Variants in FAT2 observed in about 807,000 individuals in gnomAD.
The protein encoded by FAT2 is FAT atypical cadherin 2.
A neutral mutation model predicts 295.3 loss-of-function variants in FAT2; 150 were observed. The observed-to-expected ratio is 0.51, with a 90% CI of 0.44 to 0.58. FAT2 has a LOEUF of 0.58. Among genes scored for constraint, FAT2 ranks in the 20% least tolerant of loss-of-function variants. The pLI is 0.00. For synonymous variants in FAT2, 2,026 were observed against 2,150.3 expected, an observed-to-expected ratio of 0.94 and a Z score of 1.60; for missense variants, 4,868 against 5,442.7, an observed-to-expected ratio of 0.89 and a Z score of 3.32.
At chr5:151,513,554 G>A (rs1201454562) in intron 20 of FAT2, among the ~76,000 whole-genome samples, 1 of 152,152 alleles carries the variant, frequency 6.6e-6, no homozygotes, top group Non-Finnish European at 1.5e-5. Flanking sequence ...GAGTACACAG[G>A]GACGCAAAGA....
At chr5:151,584,514 C>T (rs1245453502) in intron 1 of FAT2, among the ~76,000 whole-genome samples, 3 of 152,110 alleles carry the variant, frequency 2.0e-5, no homozygotes, top group East Asian at 1.9e-4. Flanking sequence ...GCAAGTGGCC[C>T]GGTCAAGACT....
At chr5:151,537,618 T>G (rs545858357) in intron 12 of FAT2, among the ~76,000 whole-genome samples, 175 bp downstream of exon 12, 2 of 152,370 alleles carry the variant, frequency 1.3e-5, no homozygotes, top group South Asian at 2.1e-4. Flanking sequence ...CCAAATCTTG[T>G]CTTATCAATC....
At chr5:151,507,701 C>A in intron 22 of FAT2, 90 bp from the exon 23 acceptor site, 1 of 1,198,510 alleles carries the variant, frequency 8.3e-7, no homozygotes, top group Non-Finnish European at 1.1e-6. Flanking sequence ...GAGACTGCTC[C>A]CCCCAAAACC....
rs1262856734 is a variant in FAT2, at chr5:151,543,298, T to C, written c.7829A>G (p.Tyr2610Cys). The C allele has an allele frequency of 2.5e-6, 4 of 1,614,092 alleles. No homozygotes were observed. Among genetic ancestry groups the C allele is most frequent in the East Asian group, 2.2e-5 (1 of 44,902 alleles). ...TGCGTTCTGACCTTCATCTGCATCA[T>C]AGGCCAACACCTGGATAACCGGAGA... Reference protein sequence around the residue: ...KDSPVIQVLAYDADEGQNADV... With the variant: ...KDSPVIQVLACDADEGQNADV... The change falls in exon 10 of 24, where the codon TAT (tyrosine) becomes TGT (cysteine). Residue 2610 changes from tyrosine (Y) to cysteine (C), a missense_variant. Coordinates refer to ENST00000261800, the MANE Select transcript of FAT2 (RefSeq NM_001447.3).
chr5:151,592,424 A>G (rs1366089159), upstream of FAT2, among the ~76,000 whole-genome samples: 1 of 151,888 alleles, frequency 6.6e-6, no homozygotes, highest in Non-Finnish European at 1.5e-5. Flanking sequence ...ATTCTGTCCA[A>G]TCCCCTCCCT....
At chr5:151,526,114 T>C (rs1193412540) in intron 17 of FAT2, 149 bp from the exon 18 acceptor site, 1 of 808,594 alleles carries the variant, frequency 1.2e-6, no homozygotes, top group African/African-American at 1.7e-5. Flanking sequence ...GCTCATTCAT[T>C]CTGCCTGCCT....
intron 5 of FAT2, 76 bp downstream of exon 5, chr5:151,554,286 C>G: frequency 1.4e-6 from 2 of 1,385,400 alleles, no homozygotes; most frequent in South Asian, 2.7e-5. Flanking sequence ...GGCTGTCTCC[C>G]TCCTCCTGAA....
chr5:151,589,128 AG>A (rs1432794582), intron 1 of FAT2, among the ~76,000 whole-genome samples: 9 of 152,328 alleles, frequency 5.9e-5, no homozygotes, highest in African/African-American at 2.2e-4. Flanking sequence ...CAGGGATCAT[AG>A]GAGGCTTTTA....
At chr5:151,536,221 G>GAAA (rs11307084) in intron 12 of FAT2, among the ~76,000 whole-genome samples, 1 of 150,848 alleles carries the variant, frequency 6.6e-6, no homozygotes, top group Non-Finnish European at 1.5e-5. Flanking sequence ...TCCATATTCA[G>GAAA]AAAAAAAAAC....
chr5:151,510,265 T>C (rs770578158), intron 21 of FAT2, 91 bp from the exon 22 acceptor site: 1 of 1,403,606 alleles, frequency 7.1e-7, no homozygotes, highest in Non-Finnish European at 9.9e-7. Flanking sequence ...TGTGCAGCCG[T>C]TCAGTTACCA....
intron 21 of FAT2, 84 bp from the exon 22 acceptor site, chr5:151,510,258 G>A: frequency 6.9e-7 from 1 of 1,455,372 alleles, no homozygotes; most frequent in Non-Finnish European, 9.5e-7. Flanking sequence ...GTGTGTTTGT[G>A]CAGCCGTTCA....
At chr5:151,506,400 G>A (rs545285124) in intron 23 of FAT2, among the ~76,000 whole-genome samples, 1 of 152,354 alleles carries the variant, frequency 6.6e-6, no homozygotes, top group African/African-American at 2.4e-5. Flanking sequence ...GCTGGATACA[G>A]TAACTCCATC....
At chr5:151,546,383 G>A (rs2127614851) in intron 9 of FAT2, 46 bp from the exon 10 acceptor site, 3 of 1,439,368 alleles carry the variant, frequency 2.1e-6, no homozygotes, top group African/African-American at 2.8e-5. Context: ...CCCTCGACAG[G>A]TATCAGCTAG....
At position 151,566,571 on chromosome 5, in the gene FAT2, G is replaced by A. The variant is rs3734059; in HGVS notation, c.2361C>T (p.Ile787=). The change falls in exon 2 of 24, where the codon ATC becomes ATT. Residue 787 remains isoleucine (I), a synonymous_variant. Coordinates refer to ENST00000261800, the MANE Select transcript of FAT2 (RefSeq NM_001447.3). ...PLDYEATNFY[I]LNVTVYDLGT... ...CCAGGTCATATACTGTTACATTGAG[G>A]ATGTAGAAATTGGTGGCTTCATAGT... The A allele has an allele frequency of 0.5, 812,585 of 1,613,704 alleles. 207,927 individuals are homozygous for A. Among genetic ancestry groups the A allele is most frequent in the Non-Finnish European group, 0.53 (623,795 of 1,179,854 alleles).
chr5:151,519,991 T>C (rs1267927267), intron 19 of FAT2, among the ~76,000 whole-genome samples: 1 of 152,242 alleles, frequency 6.6e-6, no homozygotes, highest in East Asian at 1.9e-4. Flanking sequence ...TGCTGTCTGA[T>C]GCCAGGTGGC....
chr5:151,589,924 A>G (rs115232097), intron 1 of FAT2, among the ~76,000 whole-genome samples: 1,709 of 152,158 alleles, frequency 0.011, 35 homozygotes, highest in African/African-American at 0.039. Flanking sequence ...AAGGGAGGAG[A>G]GGATCTTAAC....
chr5:151,544,124 GA>G lies in FAT2; in HGVS notation c.7002del (p.Gln2335LysfsTer13). ...TGTTGGGCTTCATAATCCAGTTCTTGAACTGTGGACATCTCCCCTGTGCTCC... is the reference window on the plus strand; with the variant it reads ...TGTTGGGCTTCATAATCCAGTTCTTGACTGTGGACATCTCCCCTGTGCTCC... ...INGSTGEMST[V>X]QELDYEAQQH... is the part of the protein sequence containing the mutation. On this transcript the variant is annotated frameshift_variant, in exon 10 of 24. Coordinates refer to ENST00000261800, the MANE Select transcript of FAT2 (RefSeq NM_001447.3). LOFTEE classifies it high-confidence loss of function. 6.2e-7 allele frequency: 1 copy of G among 1,614,186 alleles called. No individual in the cohort carries two copies. The highest frequency in any genetic ancestry group is 1.1e-5 in the South Asian group (1 of 91,082).
Position 151,591,231 on chromosome 5 carries a change from G to A in FAT2, c.-87C>T, listed in dbSNP as rs768316078. Among the ~76,000 whole-genome samples the A allele has an allele frequency of 6.6e-6, 1 of 152,248 alleles. No individual in the cohort carries two copies. The highest frequency in any genetic ancestry group is 1.5e-5 in the Non-Finnish European group (1 of 68,046). On this transcript the variant is annotated 5_prime_UTR_variant, in exon 1 of 24. Coordinates refer to ENST00000261800, the MANE Select transcript of FAT2 (RefSeq NM_001447.3). ...CTGGGCTGGCGCCCCTCTCACGAGGGCCAGGCTGACAGGCTCCTGAGGGAG... is the reference window on the plus strand; with the variant it reads ...CTGGGCTGGCGCCCCTCTCACGAGGACCAGGCTGACAGGCTCCTGAGGGAG...
chr5:151,526,822 T>TA (rs1754059203), intron 17 of FAT2, among the ~76,000 whole-genome samples: 1 of 152,144 alleles, frequency 6.6e-6, no homozygotes, highest in African/African-American at 2.4e-5. Context: ...CCCTGAAAAT[T>TA]ACTCATAGAA....
Sources: gnomAD v4.1 joint callset for allele counts (sites outside exome capture counted in the v4.1 genomes callset) on GRCh38, gnomAD v4.1.1 for gene constraint, MANE v1.5 for transcripts, NCBI Gene and HGNC (gene_info 2026-07-23, HGNC 2026-07-21) for gene names.